The following CNTN5 variants were observed in gnomAD, a reference collection of about 807,000 sequenced individuals.
CNTN5 encodes contactin 5.
Under a neutral mutation model 129.1 loss-of-function variants are expected in CNTN5, and 77 were observed. The ratio of observed to expected loss-of-function variants is 0.60; its 90% CI spans 0.50 to 0.72. The LOEUF is 0.72. Among genes scored for constraint, CNTN5 ranks in the 30% least tolerant of loss-of-function variants. CNTN5 has a pLI of 0.00. For synonymous variants in CNTN5, 509 were observed against 465.6 expected (o/e 1.09, Z -1.20); for missense variants, 1,478 against 1,328.8 (o/e 1.11, Z -1.75).
chr11:99,181,797 C>T (rs1858085491), intron 1 of CNTN5, among the ~76,000 whole-genome samples: 1 of 152,122 alleles, frequency 6.6e-6, no homozygotes, highest in African/African-American at 2.4e-5. Flanking sequence ...ATTTAAGTTG[C>T]CCCCTTTGGT....
At chr11:100,322,845 A>C (rs113722498) in intron 21 of CNTN5, among the ~76,000 whole-genome samples, 1,578 of 152,188 alleles carry the variant, frequency 0.01, 21 homozygotes, top group African/African-American at 0.036. Context: ...TGTTATGAAA[A>C]TTTTTAAAAA....
intron 17 of CNTN5, among the ~76,000 whole-genome samples, chr11:100,256,292 T>C (rs1303087771): frequency 6.6e-6 from 1 of 152,336 alleles, no homozygotes; most frequent in East Asian, 1.9e-4. Context: ...TGAATTGATG[T>C]TAACTAAGAT....
chr11:99,399,252 G>C (rs553306581), intron 2 of CNTN5, among the ~76,000 whole-genome samples: 69 of 151,386 alleles, frequency 4.6e-4, no homozygotes, highest in African/African-American at 1.6e-3. Flanking sequence ...AAACTATCAA[G>C]AGCATTAAGG....
chr11:99,613,322 C>T (rs1591361811), intron 3 of CNTN5, among the ~76,000 whole-genome samples: 1 of 152,178 alleles, frequency 6.6e-6, no homozygotes, highest in Non-Finnish European at 1.5e-5. Context: ...CTCTTCCCGG[C>T]TTCGCTGGGC....
At chr11:100,295,587 A>G (rs1951084492) in intron 18 of CNTN5, among the ~76,000 whole-genome samples, 2 of 151,484 alleles carry the variant, frequency 1.3e-5, no homozygotes, top group South Asian at 4.2e-4. Flanking sequence ...ACTTTGTTTT[A>G]TTCTATTAAT....
intron 16 of CNTN5, among the ~76,000 whole-genome samples, chr11:100,235,915 G>A (rs1168477321): frequency 6.6e-6 from 1 of 152,064 alleles, no homozygotes; most frequent in Non-Finnish European, 1.5e-5. Context: ...CACCTGCCAG[G>A]TCTGTCCCAC....
At chr11:99,104,384 C>T (rs1386414855) in intron 1 of CNTN5, among the ~76,000 whole-genome samples, 3 of 151,952 alleles carry the variant, frequency 2.0e-5, no homozygotes, top group East Asian at 1.9e-4. Context: ...TGAGTTATGA[C>T]GACCAAAGCG....
intron 20 of CNTN5, among the ~76,000 whole-genome samples, chr11:100,307,207 C>T (rs1951371216): frequency 6.6e-6 from 1 of 151,366 alleles, no homozygotes; most frequent in Admixed American, 6.6e-5. Context: ...TTATTTAGAA[C>T]TCAATCTTTG....
At chr11:99,542,327 C>T (rs1233624903) in intron 2 of CNTN5, among the ~76,000 whole-genome samples, 2 of 152,172 alleles carry the variant, frequency 1.3e-5, no homozygotes, top group African/African-American at 2.4e-5. Context: ...TCCTCCCTTA[C>T]ACCCTCCCAA....
intron 9 of CNTN5, among the ~76,000 whole-genome samples, chr11:100,026,755 T>A (rs913860212): frequency 6.6e-6 from 1 of 152,132 alleles, no homozygotes; most frequent in East Asian, 1.9e-4. Flanking sequence ...GTTTTAAGAG[T>A]CCCTTTTATA....
chr11:100,010,231 A>T (rs1940442438), intron 9 of CNTN5, among the ~76,000 whole-genome samples: 1 of 152,156 alleles, frequency 6.6e-6, no homozygotes, highest in Non-Finnish European at 1.5e-5. Context: ...TCCAGCCCAT[A>T]CAAGTTGTTA....
At chr11:100,055,637 G>A (rs1304477214) in intron 9 of CNTN5, among the ~76,000 whole-genome samples, 2 of 151,306 alleles carry the variant, frequency 1.3e-5, no homozygotes, top group Non-Finnish European at 3.0e-5. Flanking sequence ...TGCTTCCATT[G>A]CTGCTGTTGA....
chr11:99,949,337 A>T (rs1189786978), intron 7 of CNTN5, among the ~76,000 whole-genome samples: 2 of 152,208 alleles, frequency 1.3e-5, no homozygotes, highest in Non-Finnish European at 2.9e-5. Context: ...ACGACTCCAC[A>T]GCCTTTCAGT....
chr11:99,432,844 T>C (rs764937440), intron 2 of CNTN5, among the ~76,000 whole-genome samples: 3 of 151,920 alleles, frequency 2.0e-5, no homozygotes. Flanking sequence ...GCTGAATTAT[T>C]AGCGTGAAGG....
chr11:99,966,383 A>T (rs534578757), intron 8 of CNTN5, among the ~76,000 whole-genome samples: 54 of 152,306 alleles, frequency 3.5e-4, no homozygotes, highest in African/African-American at 1.2e-3. Context: ...ATGTGATGGC[A>T]TTGATAGGTG....
At chr11:100,152,901 G>C (rs1194296776) in intron 13 of CNTN5, among the ~76,000 whole-genome samples, 1 of 151,982 alleles carries the variant, frequency 6.6e-6, no homozygotes, top group Non-Finnish European at 1.5e-5. Flanking sequence ...TTAAGGGTGA[G>C]AGCCAGGATC....
chr11:100,329,123 T>A (rs933007027), intron 21 of CNTN5, among the ~76,000 whole-genome samples: 11 of 152,182 alleles, frequency 7.2e-5, no homozygotes, highest in African/African-American at 2.4e-4. Context: ...GACTGCAGGC[T>A]GTGTAAGAGC....
intron 4 of CNTN5, 49 bp downstream of exon 4, chr11:99,819,814 A>C (rs766153302): frequency 1.6e-6 from 1 of 625,000 alleles, no homozygotes; most frequent in Admixed American, 4.6e-5. Flanking sequence ...GAGGCAAAGA[A>C]GACTTATTTA....
chr11:100,280,689 T>C (rs562907169), intron 18 of CNTN5, among the ~76,000 whole-genome samples: 10 of 152,138 alleles, frequency 6.6e-5, no homozygotes, highest in Admixed American at 5.2e-4. Context: ...AGTGTTACTA[T>C]TGATAAGTAA....
Sources: gnomAD v4.1 joint callset for allele counts (sites outside exome capture counted in the v4.1 genomes callset) on GRCh38, gnomAD v4.1.1 for gene constraint, MANE v1.5 for transcripts, NCBI Gene and HGNC (gene_info 2026-07-23, HGNC 2026-07-21) for gene names.